RAPGEF5: variants seen among roughly 807,000 people sequenced by gnomAD.
RAPGEF5 encodes M-Ras-regulated GEF.
RAPGEF5 carries 65 observed loss-of-function variants against 125.2 expected under a neutral mutation model. The observed-to-expected ratio is 0.52, with a 90% confidence interval of 0.43 to 0.64. The LOEUF (loss-of-function observed/expected upper bound fraction) is 0.64. Ranked by LOEUF, RAPGEF5 falls within the 30% of genes least tolerant of loss-of-function variation. RAPGEF5 has a pLI of 0.00. For synonymous variants in RAPGEF5, 391 were observed against 385.9 expected (o/e 1.01, Z -0.16); for missense variants, 958 against 1,048.1 (o/e 0.91, Z 1.19).
At chr7:22,292,578 A>C (rs1310143627) in intron 5 of RAPGEF5, among the ~76,000 whole-genome samples, 2 of 152,250 alleles carry the variant, frequency 1.3e-5, no homozygotes, top group Non-Finnish European at 2.9e-5. Context: ...AAGCTTTATT[A>C]TTAAGATTCT....
chr7:22,173,850 T>TC (rs11370545), intron 11 of RAPGEF5, among the ~76,000 whole-genome samples: 152,267 of 152,268 alleles, frequency 1, 76,133 homozygotes, highest in Non-Finnish European at 1. Context: ...TGTTGTTACA[T>TC]CCCAATCAGC....
In RAPGEF5 at chr7:22,119,126, G is replaced by A. The variant is rs1299934033; in HGVS notation, c.*3280C>T. On this transcript the variant is annotated 3_prime_UTR_variant, in exon 26 of 26. Coordinates refer to ENST00000665637, the MANE Select transcript of RAPGEF5 (RefSeq NM_012294.5). This position sits in a 1 kb window ranked among gnomAD's most constrained non-coding sequence, Gnocchi z 4.1. ...TGCGGTGTCTGTGCTGGCTAGAACA[G>A]ACTCGCAGGGCTGGGATATGGGTAG... The A allele has an allele frequency of 2.6e-5, 4 of 152,196 alleles. No individual in the cohort carries two copies. The highest frequency in any genetic ancestry group is 7.2e-5 in the African/African-American group (3 of 41,434). The allele number at this position is 152,196 out of a possible 1,614,324, so 9.4% of individuals were successfully genotyped here.
chr7:22,122,412 C>G lies in RAPGEF5; in HGVS notation c.2646G>C (p.Arg882=). The G allele has an allele frequency of 6.2e-7, 1 of 1,612,610 alleles. No individual in the cohort carries two copies. Among genetic ancestry groups the G allele is most frequent in the Middle Eastern group, 1.7e-4 (1 of 5,928 alleles). ...GGAGGTGAGGCAGTGGGGCTCACAC[C>G]CGAGGCTCGATCCTGTGTGAGAGCT... ...LFELSHRIEP[R]V Residue 882 remains arginine (R), a synonymous_variant, in exon 26 of 26, where the codon CGG becomes CGC. Transcript: ENST00000665637.
intron 1 of RAPGEF5, among the ~76,000 whole-genome samples, chr7:22,320,572 AC>A (rs1260388656): frequency 6.6e-6 from 1 of 151,766 alleles, no homozygotes; most frequent in South Asian, 2.1e-4. Context: ...TTGAAAATGC[AC>A]CCCCCTCTTT....
At position 22,185,909 on chromosome 7, in the gene RAPGEF5, C is replaced by T. The variant is rs1386794431; in HGVS notation, c.1204+7458G>A. Among the ~76,000 whole-genome samples the T allele has an allele frequency of 2.6e-5, 4 of 151,782 alleles. No individual in the cohort carries two copies. In the East Asian group the frequency reaches 7.7e-4, roughly 29 times the overall value. On this transcript the variant is annotated intron_variant, in intron 11 of 25. Transcript: ENST00000665637. ...TTACTCTGTTGCCCAAGCTGGACTGCAGTGGTGCGATCTCAGCTCACTGAA... is the reference window on the plus strand; with the variant it reads ...TTACTCTGTTGCCCAAGCTGGACTGTAGTGGTGCGATCTCAGCTCACTGAA...
intron 7 of RAPGEF5, among the ~76,000 whole-genome samples, chr7:22,250,933 G>A (rs1047548988): frequency 6.6e-6 from 1 of 152,028 alleles, no homozygotes; most frequent in Non-Finnish European, 1.5e-5. Flanking sequence ...TAATCAGGGG[G>A]AACACACCCA....
chr7:22,191,472 C>A, intron 11 of RAPGEF5: 1 of 436,774 alleles, frequency 2.3e-6, no homozygotes, highest in South Asian at 1.6e-5. Flanking sequence ...TCATTTGTGT[C>A]CCTCCCCCAA....
chr7:22,228,333 C>T (rs911449504), intron 8 of RAPGEF5, among the ~76,000 whole-genome samples: 3 of 152,134 alleles, frequency 2.0e-5, no homozygotes, highest in Non-Finnish European at 2.9e-5. Flanking sequence ...AACTATCTAT[C>T]CTGGAGGGTT....
chr7:22,227,308 T>C (rs1487608249), intron 8 of RAPGEF5, among the ~76,000 whole-genome samples: 1 of 152,190 alleles, frequency 6.6e-6, no homozygotes, highest in Non-Finnish European at 1.5e-5. Flanking sequence ...TCAATTTTCT[T>C]TGACAGTATT....
chr7:22,308,111 G>A (rs1198873804), intron 5 of RAPGEF5, among the ~76,000 whole-genome samples: 1 of 152,108 alleles, frequency 6.6e-6, no homozygotes, highest in African/African-American at 2.4e-5. Context: ...GAAACCACAT[G>A]GTACAGATGG....
intron 11 of RAPGEF5, among the ~76,000 whole-genome samples, chr7:22,176,796 G>A (rs949030132): frequency 6.6e-6 from 1 of 152,214 alleles, no homozygotes; most frequent in South Asian, 2.1e-4. Flanking sequence ...CTCCCAAAGT[G>A]CTGGGATTAC....
At chr7:22,259,999 G>C (rs1285464908) in intron 7 of RAPGEF5, among the ~76,000 whole-genome samples, 2 of 152,068 alleles carry the variant, frequency 1.3e-5, no homozygotes, top group African/African-American at 4.8e-5. Flanking sequence ...CAGGAGAATC[G>C]TTTGAAATCG....
At chr7:22,234,797 T>G (rs2128135190) in intron 7 of RAPGEF5, among the ~76,000 whole-genome samples, 1 of 152,208 alleles carries the variant, frequency 6.6e-6, no homozygotes, top group African/African-American at 2.4e-5. Context: ...TCCCCAGGAC[T>G]TACTAGGATG....
At chr7:22,239,352 A>G (rs1455902995) in intron 7 of RAPGEF5, among the ~76,000 whole-genome samples, 6 of 152,214 alleles carry the variant, frequency 3.9e-5, no homozygotes, top group Non-Finnish European at 8.8e-5. Context: ...GAAATGTATT[A>G]TTTTTATTAA....
rs563482389 is a variant in RAPGEF5, at chr7:22,129,760, C to T, written c.2481+1277G>A. 9.3e-4 allele frequency among the ~76,000 whole-genome samples: 141 copies of T among 152,218 alleles called. 1 individual carries two copies. In the South Asian group the frequency reaches 0.014, roughly 15 times the overall value. On this transcript the variant is annotated intron_variant, in intron 24 of 25. Transcript: ENST00000665637. ...CAGAGCCACTTAGAAAAGCACTAGC[C>T]GTGAAGTGATGGTCTTCGGTGTGGT...
chr7:22,197,843 A>G (rs762928944), intron 9 of RAPGEF5, among the ~76,000 whole-genome samples: 4 of 148,468 alleles, frequency 2.7e-5, no homozygotes, highest in Non-Finnish European at 6.0e-5. Context: ...TTTGCATTTT[A>G]AAGTGGAGGT....
At chr7:22,131,146 T>A (rs1782903991) in intron 23 of RAPGEF5, 45 bp from the exon 24 acceptor site, 1 of 1,499,244 alleles carries the variant, frequency 6.7e-7, no homozygotes, top group African/African-American at 1.4e-5. Flanking sequence ...TAGGAATGGA[T>A]CATGAGTCAG....
intron 7 of RAPGEF5, among the ~76,000 whole-genome samples, chr7:22,242,188 T>C (rs559403342): frequency 6.6e-6 from 1 of 152,186 alleles, no homozygotes; most frequent in South Asian, 2.1e-4. Flanking sequence ...GGGTGCTGGT[T>C]TGCACACAGA....
chr7:22,220,216 G>A (rs1175660154), intron 8 of RAPGEF5: 3 of 508,068 alleles, frequency 5.9e-6, no homozygotes, highest in Non-Finnish European at 1.1e-5. Context: ...CCTACTTTAA[G>A]AGGGTGAAGG....
Sources: allele counts gnomAD v4.1 joint callset (sites outside exome capture counted in the v4.1 genomes callset), GRCh38; gene constraint gnomAD v4.1.1; non-coding constraint Gnocchi (gnomAD v3.1); transcripts MANE v1.5; gene names NCBI Gene and HGNC (gene_info 2026-07-23, HGNC 2026-07-21).